The following FOXP2 variants were observed in gnomAD, a reference collection of about 807,000 sequenced individuals.
The protein encoded by FOXP2 is forkhead box P2.
In FOXP2, 12 loss-of-function variants were observed where a neutral mutation model predicts 115.8. The observed-to-expected ratio is 0.10, with a 90% CI of 0.07 to 0.17. The LOEUF (loss-of-function observed/expected upper bound fraction) is 0.17, where lower values mean the gene tolerates loss of function less well. Ranked by LOEUF, FOXP2 falls within the 10% of genes least tolerant of loss-of-function variation. The pLI is 1.00. For missense variants in FOXP2, 629 were observed against 843.5 expected (o/e 0.75, Z 3.15); for synonymous variants, 328 against 297.7 (o/e 1.10, Z -1.05).
At chr7:114,544,359 C>G (rs1336769146) in intron 3 of FOXP2, among the ~76,000 whole-genome samples, 1 of 151,682 alleles carries the variant, frequency 6.6e-6, no homozygotes, top group Non-Finnish European at 1.5e-5. Context: ...AGTTAAAGGT[C>G]TTGAATCACA....
chr7:114,328,361 C>A (rs1797613140), intron 2 of FOXP2, among the ~76,000 whole-genome samples: 1 of 151,886 alleles, frequency 6.6e-6, no homozygotes, highest in East Asian at 1.9e-4. Flanking sequence ...CTCAGCCTCC[C>A]AAGTAGCTGG....
In FOXP2 at chr7:114,659,402, T is replaced by G; in HGVS notation, c.1515T>G (p.Pro505=). 1.9e-6 allele frequency: 3 copies of G among 1,613,396 alleles called. No homozygotes were observed. Among genetic ancestry groups the G allele is most frequent in the Non-Finnish European group, 1.7e-6 (2 of 1,179,498 alleles). ...TTTATAAAAATGCAGATGTCAGACCTCCATTTACTTATGCAACTCTCATAA... is the reference window on the plus strand; with the variant it reads ...TTTATAAAAATGCAGATGTCAGACCGCCATTTACTTATGCAACTCTCATAA... ...YEFYKNADVR[P]PFTYATLIRQ... is the part of the protein sequence containing the mutation. Residue 505 remains proline, a synonymous_variant, in exon 12 of 17, where the codon CCT becomes CCG. Transcript: ENST00000350908.
At chr7:114,539,165 A>T (rs768292211) in intron 3 of FOXP2, among the ~76,000 whole-genome samples, 3 of 151,922 alleles carry the variant, frequency 2.0e-5, no homozygotes, top group Non-Finnish European at 4.4e-5. Context: ...ATTCCATATC[A>T]TATGTAAAAA....
At position 114,304,445 on chromosome 7, in the gene FOXP2, G is replaced by A. The variant is rs1255114586; in HGVS notation, c.-11+16336G>A. The stretch of plus-strand genomic sequence containing the variant: ...CCAACACTTTGGGAGGCCAAGGTGG[G>A]CAGATCACTTGAGGGCAGGAGTTCA... On this transcript the variant is annotated intron_variant, in intron 2 of 17. Coordinates refer to the FOXP2 transcript ENST00000634411. Among the ~76,000 whole-genome samples, 3 of 151,926 alleles carry A rather than the reference G, an allele frequency of 2.0e-5. No homozygotes were observed. The East Asian group carries it at 5.8e-4, about 29-fold the overall frequency.
chr7:114,526,991 A>ATTTTTTTTTTTT (rs200748852), intron 2 of FOXP2, among the ~76,000 whole-genome samples: 6 of 128,846 alleles, frequency 4.7e-5, no homozygotes, highest in Non-Finnish European at 9.9e-5. Flanking sequence ...CCACTAATCT[A>ATTTTTTTTTTTT]TTTTTTTTTT....
At chr7:114,682,866 T>C (rs138990731) in intron 16 of FOXP2, among the ~76,000 whole-genome samples, 2 of 152,290 alleles carry the variant, frequency 1.3e-5, no homozygotes, top group East Asian at 3.9e-4. Flanking sequence ...TTTATTTTTA[T>C]TGAAAAGTAT....
At chr7:114,350,297 C>T (rs2049604) in intron 2 of FOXP2, among the ~76,000 whole-genome samples, 38,392 of 151,978 alleles carry the variant, frequency 0.25, 6,356 homozygotes, top group Non-Finnish European at 0.37. Flanking sequence ...TTCCTCCCCT[C>T]CCCCGGTCCC....
At chr7:114,208,555 A>G (rs1418466866) in intron 1 of FOXP2, among the ~76,000 whole-genome samples, 1 of 151,984 alleles carries the variant, frequency 6.6e-6, no homozygotes, top group Non-Finnish European at 1.5e-5. Flanking sequence ...TGAGGATATG[A>G]GATTTGGGAG....
At chr7:114,125,357 A>G (rs1443670420) in intron 1 of FOXP2, among the ~76,000 whole-genome samples, 1 of 152,150 alleles carries the variant, frequency 6.6e-6, no homozygotes, top group Non-Finnish European at 1.5e-5. Flanking sequence ...TATTATTCAG[A>G]ATGAATAGCA....
chr7:114,672,168 C>A (rs1382428484), intron 16 of FOXP2, among the ~76,000 whole-genome samples: 1 of 152,094 alleles, frequency 6.6e-6, no homozygotes, highest in Non-Finnish European at 1.5e-5. Flanking sequence ...GGATAAGTCA[C>A]CATTGATCAC....
chr7:114,484,580 A>G (rs1255462688), intron 2 of FOXP2, among the ~76,000 whole-genome samples: 1 of 151,922 alleles, frequency 6.6e-6, no homozygotes, highest in Non-Finnish European at 1.5e-5. Context: ...GGTAATAATA[A>G]TGACATTGAT....
chr7:114,664,612 T>G (rs1807066614), intron 16 of FOXP2, 176 bp downstream of exon 16: 2 of 702,902 alleles, frequency 2.8e-6, no homozygotes, highest in Admixed American at 5.1e-5. Flanking sequence ...TTTAATACAT[T>G]TTTTAGATGA....
chr7:114,282,760 G>T (rs1211736633), intron 1 of FOXP2, among the ~76,000 whole-genome samples: 1 of 152,060 alleles, frequency 6.6e-6, no homozygotes, highest in East Asian at 1.9e-4. Flanking sequence ...GTGTATCTCT[G>T]GTGGCAGTTT....
intron 2 of FOXP2, among the ~76,000 whole-genome samples, chr7:114,339,160 T>C (rs1791132197): frequency 6.6e-6 from 1 of 151,224 alleles, no homozygotes; most frequent in Non-Finnish European, 1.5e-5. Flanking sequence ...CTTTTCTGTA[T>C]TTTTTCTTAC....
In FOXP2 at chr7:114,486,116, T is replaced by A. The variant is rs145620112; in HGVS notation, c.169-48501T>A. Among the ~76,000 whole-genome samples the A allele has an allele frequency of 2.3e-3, 347 of 152,282 alleles. 2 individuals are homozygous for A. The highest frequency in any genetic ancestry group is 8.0e-3 in the African/African-American group (332 of 41,560). Reference sequence around the variant, plus strand: ...CCTTTATCAAACATGTCTGTATTAGTTCTCACACTGCTAATAAAGACATAC... The same window carrying A: ...CCTTTATCAAACATGTCTGTATTAGATCTCACACTGCTAATAAAGACATAC... On this transcript the variant is annotated intron_variant, in intron 2 of 16. Transcript: ENST00000350908.
At chr7:114,403,179 T>C (rs1326429699) in intron 2 of FOXP2, among the ~76,000 whole-genome samples, 1 of 152,206 alleles carries the variant, frequency 6.6e-6, no homozygotes. Flanking sequence ...TTGAACACAG[T>C]AATACAACTT....
At chr7:114,549,053 A>G (rs1162907827) in intron 3 of FOXP2, among the ~76,000 whole-genome samples, 2 of 152,196 alleles carry the variant, frequency 1.3e-5, no homozygotes, top group Non-Finnish European at 2.9e-5. Flanking sequence ...TCCTGCAGCA[A>G]TTACTATAAC....
intron 2 of FOXP2, among the ~76,000 whole-genome samples, chr7:114,352,430 CAT>C (rs1231942579): frequency 2.0e-5 from 3 of 152,174 alleles, no homozygotes; most frequent in Admixed American, 1.3e-4. Context: ...GCATCAATAA[CAT>C]AGACCAACAG....
At chr7:114,551,044 G>T (rs952590540) in intron 3 of FOXP2, among the ~76,000 whole-genome samples, 3 of 152,122 alleles carry the variant, frequency 2.0e-5, no homozygotes, top group Non-Finnish European at 4.4e-5. Flanking sequence ...TAGAAAGAGA[G>T]TTCAGGAGAA....
Sources: allele counts gnomAD v4.1 joint callset (sites outside exome capture counted in the v4.1 genomes callset), GRCh38; gene constraint gnomAD v4.1.1; transcripts MANE v1.5; gene names NCBI Gene and HGNC (gene_info 2026-07-23, HGNC 2026-07-21).